Variants in SLC44A5 observed in about 807,000 individuals in gnomAD.
The protein encoded by SLC44A5 is solute carrier family 44 member 5, also known as choline transporter-like protein 5.
SLC44A5 carries 57 observed loss-of-function variants against 101.8 expected under a neutral mutation model. The ratio of observed to expected loss-of-function variants is 0.56; its 90% confidence interval spans 0.45 to 0.70. The LOEUF is 0.70. Among genes scored for constraint, SLC44A5 ranks in the 30% least tolerant of loss-of-function variants. The probability of loss-of-function intolerance (pLI) is 0.00; values close to 1 mark genes in which losing one functional copy is unlikely to be tolerated. For synonymous variants in SLC44A5, 281 were observed against 290.9 expected (o/e 0.97, Z 0.35); for missense variants, 737 against 853.1 (o/e 0.86, Z 1.70).
At chr1:75,462,173 T>C (rs565541204) in intron 2 of SLC44A5, among the ~76,000 whole-genome samples, 2 of 152,316 alleles carry the variant, frequency 1.3e-5, no homozygotes, top group Admixed American at 1.3e-4. Flanking sequence ...CCATCTCCAG[T>C]TGACTCAGAA....
chr1:75,279,899 C>A (rs1227155406), intron 5 of SLC44A5, among the ~76,000 whole-genome samples: 2 of 151,630 alleles, frequency 1.3e-5, no homozygotes, highest in African/African-American at 2.4e-5. Context: ...TGTCTCTCAA[C>A]CCCTCCCACT....
At chr1:75,711,135 G>A in the SLC44A5 span, among the ~76,000 whole-genome samples, 6 of 152,102 alleles carry the variant, frequency 3.9e-5, no homozygotes, top group Non-Finnish European at 8.8e-5. Context: ...TTTGTGCCAG[G>A]CTATTGGTAA....
At chr1:75,671,442 G>A in the SLC44A5 span, among the ~76,000 whole-genome samples, 1 of 84,196 alleles carries the variant, frequency 1.2e-5, no homozygotes, top group Non-Finnish European at 2.9e-5. Flanking sequence ...TAGAGAAGCA[G>A]AGAGACTCAC....
At chr1:75,224,120 G>A (rs1647146971) in intron 13 of SLC44A5, among the ~76,000 whole-genome samples, 1 of 152,188 alleles carries the variant, frequency 6.6e-6, no homozygotes, top group Non-Finnish European at 1.5e-5. Flanking sequence ...TAAAATGCCA[G>A]TCCTGTAAGA....
At chr1:75,638,344 A>G in the SLC44A5 span, among the ~76,000 whole-genome samples, 1 of 152,192 alleles carries the variant, frequency 6.6e-6, no homozygotes, top group African/African-American at 2.4e-5. Context: ...TTTAATAGCT[A>G]TTTTATAACC....
rs78669596 is a variant in SLC44A5, at chr1:75,208,551, T to C, written c.2047+2917A>G. Among the ~76,000 whole-genome samples, 485 of 152,296 alleles carry C rather than the reference T, an allele frequency of 3.2e-3. 4 individuals are homozygous for C. Among genetic ancestry groups the C allele is most frequent in the Non-Finnish European group, 5.3e-3 (358 of 68,018 alleles). Reference sequence around the variant, plus strand: ...CAAACTGCAAAAGTTATGGCCACAGTGTATGATAAGTGCTTAGTTAGGATG... The same window carrying C: ...CAAACTGCAAAAGTTATGGCCACAGCGTATGATAAGTGCTTAGTTAGGATG... On this transcript the variant is annotated intron_variant, in intron 23 of 23. Coordinates refer to ENST00000370859, the MANE Select transcript of SLC44A5 (RefSeq NM_001130058.2).
At chr1:75,500,677 G>C (rs146093732) in intron 2 of SLC44A5, among the ~76,000 whole-genome samples, 2 of 152,128 alleles carry the variant, frequency 1.3e-5, no homozygotes, top group South Asian at 2.1e-4. Flanking sequence ...AACACTCTGA[G>C]GTTCCTTTGT....
intron 2 of SLC44A5, among the ~76,000 whole-genome samples, chr1:75,417,064 C>A (rs566272893): frequency 6.6e-6 from 1 of 152,064 alleles, no homozygotes; most frequent in Non-Finnish European, 1.5e-5. Context: ...TGTGAAGCTA[C>A]GAGATTTGGG....
At chr1:75,704,037 T>C in the SLC44A5 span, among the ~76,000 whole-genome samples, 5 of 151,220 alleles carry the variant, frequency 3.3e-5, no homozygotes, top group African/African-American at 1.2e-4. Context: ...AGTTAATTAA[T>C]TAATAATTAA....
At chr1:75,386,816 A>G (rs922776893) in intron 3 of SLC44A5, among the ~76,000 whole-genome samples, 3 of 152,064 alleles carry the variant, frequency 2.0e-5, no homozygotes, top group Admixed American at 6.6e-5. Context: ...ACTATACTAC[A>G]AGGCTACAGT....
At chr1:75,429,162 CAACT>C (rs1664471875) in intron 2 of SLC44A5, among the ~76,000 whole-genome samples, 1 of 152,168 alleles carries the variant, frequency 6.6e-6, no homozygotes, top group African/African-American at 2.4e-5. Context: ...AATATTTAAA[CAACT>C]AACTACTTCC....
At chr1:75,722,639 T>A in the SLC44A5 span, among the ~76,000 whole-genome samples, 4 of 152,286 alleles carry the variant, frequency 2.6e-5, no homozygotes, top group Admixed American at 2.6e-4. Context: ...ACCCAAAAAA[T>A]AGGAAGGGCT....
intron 2 of SLC44A5, among the ~76,000 whole-genome samples, chr1:75,500,811 C>T (rs993906909): frequency 4.6e-5 from 7 of 152,002 alleles, no homozygotes; most frequent in South Asian, 2.1e-4. Context: ...GTCAGTATTG[C>T]GGGTAAGGAT....
intron 2 of SLC44A5, among the ~76,000 whole-genome samples, chr1:75,420,833 T>G (rs1663957206): frequency 6.6e-6 from 1 of 152,154 alleles, no homozygotes; most frequent in Non-Finnish European, 1.5e-5. Flanking sequence ...CATCTATTAC[T>G]CTCTGTCAAG....
At chr1:75,672,883 G>T in the SLC44A5 span, among the ~76,000 whole-genome samples, 12 of 152,184 alleles carry the variant, frequency 7.9e-5, no homozygotes, top group East Asian at 2.3e-3. Context: ...TGAAGGGAAG[G>T]ACTCAGTCCT....
At chr1:75,458,416 GT>G (rs1666311261) in intron 2 of SLC44A5, among the ~76,000 whole-genome samples, 1 of 152,150 alleles carries the variant, frequency 6.6e-6, no homozygotes, top group Non-Finnish European at 1.5e-5. Context: ...TTACTGAAGA[GT>G]TTCAATTAGG....
chr1:75,207,352 A>C (rs1040550160), intron 23 of SLC44A5, among the ~76,000 whole-genome samples: 1 of 152,172 alleles, frequency 6.6e-6, no homozygotes, highest in African/African-American at 2.4e-5. Flanking sequence ...GCTAATGTCA[A>C]TGTATTCTGA....
intron 1 of SLC44A5, among the ~76,000 whole-genome samples, chr1:75,592,007 A>C (rs1414611003): frequency 6.6e-6 from 1 of 152,188 alleles, no homozygotes; most frequent in Non-Finnish European, 1.5e-5. Context: ...GTTATTCAAC[A>C]TAGTACTGGA....
chr1:75,424,817 A>G (rs1462601207), intron 2 of SLC44A5, among the ~76,000 whole-genome samples: 2 of 152,206 alleles, frequency 1.3e-5, no homozygotes, highest in Admixed American at 6.5e-5. Context: ...CAGTATCTCA[A>G]TATAATTTCT....
Sources: gnomAD v4.1 joint callset for allele counts (sites outside exome capture counted in the v4.1 genomes callset) on GRCh38, gnomAD v4.1.1 for gene constraint, MANE v1.5 for transcripts, NCBI Gene and HGNC (gene_info 2026-07-23, HGNC 2026-07-21) for gene names.